The following DGKI variants were observed in gnomAD, a reference collection of about 807,000 sequenced individuals.
DGKI encodes the protein DAG kinase iota.
Under a neutral mutation model 147.5 loss-of-function variants are expected in DGKI, and 55 were observed. That is an observed-to-expected ratio of 0.37 (90% confidence interval 0.30 to 0.47). The LOEUF is 0.47. Ranked by LOEUF, DGKI falls within the 20% of genes least tolerant of loss-of-function variation. The probability of loss-of-function intolerance (pLI) is 1.00; values close to 1 mark genes in which losing one functional copy is unlikely to be tolerated. For missense variants in DGKI, 1,007 were observed against 1,323.8 expected (o/e 0.76, Z 3.71); for synonymous variants, 469 against 477.1 (o/e 0.98, Z 0.22).
rs1285559032 is a variant in DGKI at position 137,846,692 on chromosome 7, G to A, written c.171C>T (p.Ser57=). 3.8e-6 allele frequency: 4 copies of A among 1,058,502 alleles called. No homozygotes were observed. The Admixed American group carries it at 1.4e-4, about 37-fold the overall frequency. The allele number at this position is 1,058,502 out of a possible 1,614,324, so 65.6% of individuals were successfully genotyped here. Reference sequence around the variant, plus strand: ...TCGCCCCTTTCTCCTCTCCCGCCGAGGAGCTGGGGTTCATGGCGCCCGCTC... The same window carrying A: ...TCGCCCCTTTCTCCTCTCCCGCCGAAGAGCTGGGGTTCATGGCGCCCGCTC... ...AAGAGAMNPS[S]SAGEEKGATG... is the part of the protein sequence containing the mutation. Residue 57 remains serine, a synonymous_variant, in exon 1 of 33, where the codon TCC becomes TCT. Transcript: ENST00000614521. This position sits in a 1 kb window ranked among gnomAD's most constrained non-coding sequence, Gnocchi z 4.0.
chr7:137,597,336 A>G (rs1819831526), intron 12 of DGKI, among the ~76,000 whole-genome samples: 1 of 152,184 alleles, frequency 6.6e-6, no homozygotes, highest in African/African-American at 2.4e-5. Context: ...ATAACAAAAT[A>G]TCACACATAC....
intron 9 of DGKI, 67 bp downstream of exon 9, chr7:137,609,468 T>A (rs1820292481): frequency 8.0e-7 from 1 of 1,255,688 alleles, no homozygotes; most frequent in Non-Finnish European, 1.2e-6. Flanking sequence ...GGACCAGATC[T>A]CATAGGACAG....
chr7:137,544,189 G>A (rs1817792813), intron 20 of DGKI, among the ~76,000 whole-genome samples: 1 of 152,130 alleles, frequency 6.6e-6, no homozygotes. Context: ...CAACTAAAGT[G>A]TAAATACAAC....
intron 1 of DGKI, among the ~76,000 whole-genome samples, chr7:137,696,798 C>T (rs1585381966): frequency 2.0e-5 from 3 of 152,152 alleles, no homozygotes; most frequent in East Asian, 3.9e-4. Flanking sequence ...ATTCCTAGTA[C>T]CTCAGAAGGT....
intron 20 of DGKI, among the ~76,000 whole-genome samples, chr7:137,538,910 C>T (rs1817601010): frequency 6.6e-6 from 1 of 152,158 alleles, no homozygotes; most frequent in African/African-American, 2.4e-5. Context: ...TAAGCCCCAG[C>T]CTGGACTCCA....
chr7:137,638,472 A>ATG (rs1212840862), intron 6 of DGKI, among the ~76,000 whole-genome samples: 27 of 119,302 alleles, frequency 2.3e-4, no homozygotes, highest in South Asian at 5.1e-4. Flanking sequence ...GTGTGTATAT[A>ATG]TGTGTGTATA....
chr7:137,477,331 A>C (rs561710452), intron 23 of DGKI, among the ~76,000 whole-genome samples: 3 of 152,308 alleles, frequency 2.0e-5, no homozygotes, highest in Non-Finnish European at 4.4e-5. Flanking sequence ...TGTAACTTAT[A>C]ATCTTCACAC....
At chr7:137,452,719 G>A (rs950410337) in intron 27 of DGKI, 5 of 152,132 alleles carry the variant, frequency 3.3e-5, no homozygotes, top group Non-Finnish European at 7.3e-5. Context: ...TGTCAGCTCT[G>A]AATGTTCTTT....
At chr7:137,736,485 T>C (rs573195899) in intron 1 of DGKI, among the ~76,000 whole-genome samples, 146 of 152,242 alleles carry the variant, frequency 9.6e-4, no homozygotes, top group Non-Finnish European at 1.8e-3. Flanking sequence ...CCTCTTCACG[T>C]TGCTGTGAAG....
intron 28 of DGKI, among the ~76,000 whole-genome samples, chr7:137,431,155 G>T (rs1482320837): frequency 6.6e-6 from 1 of 152,120 alleles, no homozygotes; most frequent in Non-Finnish European, 1.5e-5. Flanking sequence ...AGAAGATTGG[G>T]TGACTAGAGA....
intron 1 of DGKI, chr7:137,722,421 C>A (rs796947936): frequency 6.2e-7 from 1 of 1,611,732 alleles, no homozygotes; most frequent in African/African-American, 1.3e-5. Context: ...CCAGCATTAC[C>A]CCCGGGACCA....
intron 1 of DGKI, among the ~76,000 whole-genome samples, chr7:137,718,120 C>A (rs140424391): frequency 6.6e-6 from 1 of 152,074 alleles, no homozygotes; most frequent in Non-Finnish European, 1.5e-5. Flanking sequence ...AAAAACCAGC[C>A]GGGTGGGCTG....
intron 1 of DGKI, among the ~76,000 whole-genome samples, chr7:137,751,788 G>A (rs901511736): frequency 2.0e-5 from 3 of 152,044 alleles, no homozygotes; most frequent in African/African-American, 7.3e-5. Context: ...ATAAACAAGT[G>A]AGCCAGCCTG....
At chr7:137,436,290 T>C (rs181421974) in intron 28 of DGKI, among the ~76,000 whole-genome samples, 249 of 152,310 alleles carry the variant, frequency 1.6e-3, no homozygotes, top group African/African-American at 5.9e-3. Flanking sequence ...TGAATGTTTT[T>C]CTGTGTCAAG....
intron 1 of DGKI, among the ~76,000 whole-genome samples, chr7:137,839,170 C>T (rs1032457573): frequency 8.5e-5 from 13 of 152,200 alleles, no homozygotes; most frequent in South Asian, 4.1e-4. Flanking sequence ...CTCTCTCCTC[C>T]GACCTCTGCC....
chr7:137,711,729 C>T (rs1377926867), intron 1 of DGKI, among the ~76,000 whole-genome samples: 1 of 126,552 alleles, frequency 7.9e-6, no homozygotes, highest in East Asian at 2.4e-4. Context: ...GAGTCTCGCT[C>T]TGTCACCTGG....
rs190170325 is a variant in DGKI, at chr7:137,470,353, T to C, written c.2374-734A>G. On this transcript the variant is annotated intron_variant, in intron 23 of 32. Transcript: ENST00000614521. ...GCCTGACATAACTACCATCATTCTT[T>C]CCTCTGGGTTCGGATAAAAATAGTT... is the stretch of plus-strand genomic sequence containing the variant. Among the ~76,000 whole-genome samples the C allele has an allele frequency of 2.2e-4, 33 of 152,276 alleles. No individual in the cohort carries two copies. In the East Asian group the frequency reaches 5.4e-3, roughly 25 times the overall value.
intron 8 of DGKI, among the ~76,000 whole-genome samples, chr7:137,618,151 A>ATATATATATATATATTTTTTT: frequency 4.8e-4 from 5 of 10,462 alleles, no homozygotes; most frequent in African/African-American, 6.2e-4. Flanking sequence ...ATATATATAT[A>ATATATATATATATATTTTTTT]TTTTTTTTTT....
At chr7:137,705,006 G>GA (rs1352778086) in intron 1 of DGKI, among the ~76,000 whole-genome samples, 2 of 151,958 alleles carry the variant, frequency 1.3e-5, no homozygotes, top group Non-Finnish European at 2.9e-5. Flanking sequence ...AATAAGCCCA[G>GA]AAAAAAATGC....
Sources: allele counts gnomAD v4.1 joint callset (sites outside exome capture counted in the v4.1 genomes callset), GRCh38; gene constraint gnomAD v4.1.1; non-coding constraint Gnocchi (gnomAD v3.1); transcripts MANE v1.5; gene names NCBI Gene and HGNC (gene_info 2026-07-23, HGNC 2026-07-21).